TRPV3: variants seen among roughly 807,000 people sequenced by gnomAD.
The protein encoded by TRPV3 is VRL-3.
A neutral mutation model predicts 87.1 loss-of-function variants in TRPV3; 88 were observed. The ratio of observed to expected loss-of-function variants is 1.01; its 90% CI spans 0.85 to 1.21. The LOEUF (loss-of-function observed/expected upper bound fraction) is 1.21. Ranked by LOEUF, TRPV3 falls within the 50% of genes most tolerant of loss-of-function variation. The probability of loss-of-function intolerance (pLI) is 0.00; values close to 1 mark genes in which losing one functional copy is unlikely to be tolerated. For synonymous variants in TRPV3, 438 were observed against 423.3 expected, an observed-to-expected ratio of 1.03 and a Z score of -0.43; for missense variants, 1,054 against 1,030.1, an observed-to-expected ratio of 1.02 and a Z score of -0.32.
chr17:3,555,782 G>A (rs1414689713), intron 1 of TRPV3, among the ~76,000 whole-genome samples: 1 of 152,170 alleles, frequency 6.6e-6, no homozygotes, highest in Non-Finnish European at 1.5e-5. Flanking sequence ...GGAGTGGGGG[G>A]AGCTGCTGTG....
At chr17:3,515,767 G>T (rs1194567685) in intron 16 of TRPV3, among the ~76,000 whole-genome samples, 1 of 152,132 alleles carries the variant, frequency 6.6e-6, no homozygotes, top group Middle Eastern at 3.2e-3. Flanking sequence ...GGCAAAAGGG[G>T]CCTCAAGTCA....
At chr17:3,545,794 C>A (rs1215426540) in intron 2 of TRPV3, among the ~76,000 whole-genome samples, 2 of 139,172 alleles carry the variant, frequency 1.4e-5, no homozygotes, top group African/African-American at 2.7e-5. Flanking sequence ...GCCTGGCCAA[C>A]ATGGCGAAAC....
chr17:3,528,340 T>C lies in TRPV3; in HGVS notation c.1402-214A>G, dbSNP rs138940538. ...AAACCCAGAACTCTACAACGAAGAA[T>C]ATCATCCAATCCGTGCTAACAACCC... On this transcript the variant is annotated intron_variant, in intron 10 of 17. Coordinates refer to ENST00000576742, the MANE Select transcript of TRPV3 (RefSeq NM_145068.4). The surrounding 1 kb of genome is among the most constrained non-coding windows in gnomAD (Gnocchi z 4.2). Among the ~76,000 whole-genome samples, 1 of 152,254 alleles carries C rather than the reference T, an allele frequency of 6.6e-6. No homozygotes were observed. Among genetic ancestry groups the C allele is most frequent in the African/African-American group, 2.4e-5 (1 of 41,540 alleles).
At chr17:3,522,719 G>A (rs1314508394) in intron 13 of TRPV3, among the ~76,000 whole-genome samples, 3 of 151,618 alleles carry the variant, frequency 2.0e-5, no homozygotes, top group East Asian at 1.9e-4. Flanking sequence ...CAGGAGGCTG[G>A]GGCGGGAGAA....
At chr17:3,554,570 A>G in intron 2 of TRPV3, 162 bp downstream of exon 2, 2 of 606,176 alleles carry the variant, frequency 3.3e-6, no homozygotes, top group Admixed American at 5.8e-5. Context: ...TGTGCTCCCC[A>G]CCGCACCATC....
chr17:3,537,892 T>TAA (rs1161250971), intron 6 of TRPV3, among the ~76,000 whole-genome samples: 9 of 101,488 alleles, frequency 8.9e-5, no homozygotes, highest in African/African-American at 1.7e-4. Context: ...TCTGTCTTTT[T>TAA]AAAAAAAAAA....
chr17:3,513,444 C>G lies in TRPV3; in HGVS notation c.*473G>C, dbSNP rs777547943. The G allele has an allele frequency of 6.3e-6, 1 of 157,846 alleles. No homozygotes were observed. The highest frequency in any genetic ancestry group is 1.4e-5 in the Non-Finnish European group (1 of 70,998). 9.8% of individuals were successfully genotyped at this position (157,846 alleles called of 1,614,324 possible). A position where few individuals can be genotyped will look rare whatever the true frequency, so the allele number is the denominator to read the frequency against. On this transcript the variant is annotated 3_prime_UTR_variant, in exon 18 of 18. Coordinates refer to ENST00000576742, the MANE Select transcript of TRPV3 (RefSeq NM_145068.4). ...CCCCGCACACTCTGGGATGGGATCA[C>G]GGGTCTCCCACAAATTCAGGCAACC...
chr17:3,527,602 G>C (rs1280071866), intron 11 of TRPV3: 3 of 235,168 alleles, frequency 1.3e-5, no homozygotes, highest in African/African-American at 7.0e-5. Flanking sequence ...AGGATGGATG[G>C]ATGGATGGAT....
chr17:3,515,688 G>T (rs1341539701), intron 16 of TRPV3, among the ~76,000 whole-genome samples: 3 of 10,370 alleles, frequency 2.9e-4, no homozygotes, highest in Non-Finnish European at 7.9e-4. Context: ...GATATGTAAG[G>T]ACTTTAAAAA....
Position 3,554,740 on chromosome 17 carries a change from T to A in TRPV3, c.111A>T (p.Thr37=). The A allele has an allele frequency of 6.2e-7, 1 of 1,608,978 alleles. No homozygotes were observed. The highest frequency in any genetic ancestry group is 8.5e-7 in the Non-Finnish European group (1 of 1,176,678). Reference sequence around the variant, plus strand: ...GAGCTCTCCAAACCCACCTCTTCTTTGTGGGGGTGATCTCCGCCGGCCTCT... The same window carrying A: ...GAGCTCTCCAAACCCACCTCTTCTTAGTGGGGGTGATCTCCGCCGGCCTCT... ...PEKRPAEITP[T]KKSAHFFLEI... The change falls in exon 2 of 18, where the codon ACA becomes ACT. Residue 37 remains threonine (T), a synonymous_variant. Coordinates refer to ENST00000576742, the MANE Select transcript of TRPV3 (RefSeq NM_145068.4).
chr17:3,557,358 G>A lies in TRPV3; in HGVS notation c.-3+318C>T, dbSNP rs900513369. Among the ~76,000 whole-genome samples, 16 of 152,150 alleles carry A rather than the reference G, an allele frequency of 1.1e-4. No individual in the cohort carries two copies. The highest frequency in any genetic ancestry group is 8.5e-4 in the Admixed American group (13 of 15,278). On this transcript the variant is annotated intron_variant, in intron 1 of 17. Transcript: ENST00000576742. The surrounding 1 kb of genome is among the most constrained non-coding windows in gnomAD (Gnocchi z 4.5). Reference sequence around the variant, plus strand: ...AAAGCCACCTCCCTGGGTCAGCCTCGGGAGGCAGGAGCCTCTCCTCTGCCC... The same window carrying A: ...AAAGCCACCTCCCTGGGTCAGCCTCAGGAGGCAGGAGCCTCTCCTCTGCCC...
chr17:3,525,075 A>G (rs1429959771), intron 12 of TRPV3, among the ~76,000 whole-genome samples: 3 of 152,198 alleles, frequency 2.0e-5, no homozygotes, highest in South Asian at 4.1e-4. Context: ...GCTGGAGTAC[A>G]GTGGCATGAA....
At chr17:3,514,459 G>C in intron 17 of TRPV3, 134 bp downstream of exon 17, 1 of 662,612 alleles carries the variant, frequency 1.5e-6, no homozygotes, top group South Asian at 1.8e-5. Context: ...AGAGCTGGAA[G>C]AGACCTAAGA....
Position 3,518,018 on chromosome 17 carries a change from C to A in TRPV3, c.2085+558G>T, listed in dbSNP as rs896835175. 6.6e-6 allele frequency among the ~76,000 whole-genome samples: 1 copy of A among 151,944 alleles called. No homozygotes were observed. The stretch of plus-strand genomic sequence containing the variant: ...ATTTTTAGTAGCGATGAGGTTTCAC[C>A]ATGTTGGCCAAGCTGGGCTCGAACT... On this transcript the variant is annotated intron_variant, in intron 15 of 17. Transcript: ENST00000576742. The surrounding 1 kb of genome is among the most constrained non-coding windows in gnomAD (Gnocchi z 4.3).
chr17:3,554,379 G>T (rs899853505), intron 2 of TRPV3: 1 of 208,374 alleles, frequency 4.8e-6, no homozygotes, highest in African/African-American at 2.3e-5. Flanking sequence ...CAGAGGCTCC[G>T]GGTCACCTGG....
intron 7 of TRPV3, among the ~76,000 whole-genome samples, chr17:3,533,652 C>T (rs1443557527): frequency 6.6e-6 from 1 of 152,090 alleles, no homozygotes; most frequent in African/African-American, 2.4e-5. Context: ...GCGCCCGCCA[C>T]CACGCCCGGC....
intron 8 of TRPV3, 55 bp downstream of exon 8, chr17:3,532,602 C>T: frequency 6.3e-7 from 1 of 1,589,982 alleles, no homozygotes. Flanking sequence ...GAGAGGGTGG[C>T]AGCTGTACCT....
At chr17:3,524,615 AC>A (rs1200663171) in intron 12 of TRPV3, among the ~76,000 whole-genome samples, 2 of 151,966 alleles carry the variant, frequency 1.3e-5, no homozygotes, top group African/African-American at 4.8e-5. Flanking sequence ...AAAAGAAAAA[AC>A]ACACATCCAC....
rs1489560709 is a variant in TRPV3, at chr17:3,512,505, T to G, written c.*1412A>C. ...TGAACTTATCTATCGCCATGTTATC[T>G]GAAGGCCAAATTTCTATTTCTGCCA... On this transcript the variant is annotated 3_prime_UTR_variant, in exon 18 of 18. Coordinates refer to ENST00000576742, the MANE Select transcript of TRPV3 (RefSeq NM_145068.4). 6.6e-6 allele frequency: 1 copy of G among 152,264 alleles called. No individual in the cohort carries two copies. The highest frequency in any genetic ancestry group is 2.4e-5 in the African/African-American group (1 of 41,470). The allele number at this position is 152,264 out of a possible 1,614,324, so 9.4% of individuals were successfully genotyped here.
Sources: allele counts gnomAD v4.1 joint callset (sites outside exome capture counted in the v4.1 genomes callset), GRCh38; gene constraint gnomAD v4.1.1; non-coding constraint Gnocchi (gnomAD v3.1); transcripts MANE v1.5; gene names NCBI Gene and HGNC (gene_info 2026-07-23, HGNC 2026-07-21).